Variants in FAM114A1 observed in about 807,000 individuals in gnomAD.
FAM114A1 encodes the protein family with sequence similarity 114 member A1.
FAM114A1 carries 62 observed loss-of-function variants against 64.3 expected under a neutral mutation model. The ratio of observed to expected loss-of-function variants is 0.96; its 90% CI spans 0.79 to 1.19. The LOEUF (loss-of-function observed/expected upper bound fraction) is 1.19. FAM114A1 is among the 50% of genes most tolerant of loss of function. FAM114A1 has a pLI of 0.00. For missense variants in FAM114A1, 645 were observed against 676.3 expected, an observed-to-expected ratio of 0.95 and a Z score of 0.51; for synonymous variants, 254 against 251.1, an observed-to-expected ratio of 1.01 and a Z score of -0.11.
chr4:38,936,373 C>T (rs1044956389), intron 13 of FAM114A1, among the ~76,000 whole-genome samples: 5 of 151,852 alleles, frequency 3.3e-5, no homozygotes, highest in Admixed American at 6.6e-5. Flanking sequence ...GGATTACAGG[C>T]GTGAGCCACC....
chr4:38,928,196 C>G (rs534051882), intron 9 of FAM114A1, among the ~76,000 whole-genome samples: 46 of 152,326 alleles, frequency 3.0e-4, no homozygotes, highest in Admixed American at 1.8e-3. Context: ...GGCTTAGTCC[C>G]CTCTTCAAGG....
chr4:38,897,877 T>C (rs1353552792), intron 4 of FAM114A1, among the ~76,000 whole-genome samples: 2 of 150,256 alleles, frequency 1.3e-5, no homozygotes, highest in African/African-American at 2.5e-5. Flanking sequence ...GCCTGGGAGA[T>C]GGAGGTTGCA....
chr4:38,934,749 G>A (rs1177357741), intron 12 of FAM114A1, among the ~76,000 whole-genome samples: 1 of 152,118 alleles, frequency 6.6e-6, no homozygotes, highest in Admixed American at 6.5e-5. Flanking sequence ...GAAGTGGAAT[G>A]CCAGCATAAA....
chr4:38,914,186 C>G (rs1718821165), intron 7 of FAM114A1, among the ~76,000 whole-genome samples: 1 of 152,092 alleles, frequency 6.6e-6, no homozygotes, highest in African/African-American at 2.4e-5. Context: ...AGGTGCAGGA[C>G]TTAAAGTTAA....
intron 7 of FAM114A1, among the ~76,000 whole-genome samples, chr4:38,911,234 G>A (rs1258937740): frequency 2.6e-5 from 4 of 152,206 alleles, no homozygotes; most frequent in Admixed American, 2.6e-4. Flanking sequence ...GAGAAAAATG[G>A]GTGAAAGTGT....
intron 2 of FAM114A1, among the ~76,000 whole-genome samples, chr4:38,873,259 A>C (rs531193477): frequency 6.6e-6 from 1 of 152,348 alleles, no homozygotes; most frequent in African/African-American, 2.4e-5. Context: ...AAGGTCTGGC[A>C]GATATTTTTG....
At chr4:38,906,872 G>A (rs1718059645) in intron 6 of FAM114A1, among the ~76,000 whole-genome samples, 1 of 152,096 alleles carries the variant, frequency 6.6e-6, no homozygotes, top group Non-Finnish European at 1.5e-5. Context: ...TATGGCTCGT[G>A]TCTCATTTAG....
At chr4:38,887,264 A>G (rs903767784) in intron 3 of FAM114A1, among the ~76,000 whole-genome samples, 19 of 152,230 alleles carry the variant, frequency 1.2e-4, no homozygotes, top group African/African-American at 3.6e-4. Context: ...CCCAATCCTT[A>G]GGCTTCACGT....
At chr4:38,877,734 G>A (rs1477254646) in intron 2 of FAM114A1, among the ~76,000 whole-genome samples, 2 of 152,236 alleles carry the variant, frequency 1.3e-5, no homozygotes, top group African/African-American at 2.4e-5. Flanking sequence ...GGAGGCCAAG[G>A]TGGGTGGATC....
Position 38,932,373 on chromosome 4 carries a change from A to G in FAM114A1, c.1462A>G (p.Lys488Glu). 1 of 1,587,518 alleles carries G rather than the reference A, an allele frequency of 6.3e-7. No homozygotes were observed. ...PAQDQAKVLI[K>E]LTTAMCNEVA... ...TCAGGACCAAGCAAAAGTTCTAATA[A>G]AGTAAGTAAATGTTACTTTAAATTC... is the stretch of plus-strand genomic sequence containing the variant. The change falls in exon 12 of 15, where the codon AAA becomes GAA. Residue 488 changes from lysine to glutamate, a missense_variant and splice_region_variant. Coordinates refer to ENST00000358869, the MANE Select transcript of FAM114A1 (RefSeq NM_138389.4).
chr4:38,944,533 G>A lies in FAM114A1; in HGVS notation c.*976G>A, dbSNP rs1139099. On this transcript the variant is annotated 3_prime_UTR_variant, in exon 15 of 15. Transcript: ENST00000358869. ...CCAGGCCACAGACCAGTACCAGTCC[G>A]TGGCACTGGTTAGGAACCAGGCCAC... 0.26 allele frequency: 40,245 copies of A among 151,924 alleles called. 8,162 individuals carry two copies. The highest frequency in any genetic ancestry group is 0.56 in the African/African-American group (23,301 of 41,380). 9.4% of individuals were successfully genotyped at this position (151,924 alleles called of 1,614,324 possible).
At chr4:38,939,037 T>A (rs904155490) in intron 13 of FAM114A1, among the ~76,000 whole-genome samples, 5 of 152,242 alleles carry the variant, frequency 3.3e-5, no homozygotes, top group African/African-American at 1.2e-4. Context: ...ATGAAGATTC[T>A]TATTCAGTAG....
At position 38,943,500 on chromosome 4, in the gene FAM114A1, G is replaced by A; in HGVS notation, c.1635G>A (p.Leu545=). ...ACATACAGGATGCCTTCCAGCTGCT[G>A]CTGCCTGTTCTGCAGGTCTCACATA... ...TTYIQDAFQL[L]LPVLQVSHIQ... Residue 545 remains leucine (L), a synonymous_variant, in exon 15 of 15, where the codon CTG becomes CTA. Coordinates refer to ENST00000358869, the MANE Select transcript of FAM114A1 (RefSeq NM_138389.4). 1 of 1,614,114 alleles carries A rather than the reference G, an allele frequency of 6.2e-7. No individual in the cohort carries two copies. The highest frequency in any genetic ancestry group is 8.5e-7 in the Non-Finnish European group (1 of 1,180,002).
chr4:38,925,822 G>A (rs1720045504), intron 9 of FAM114A1, among the ~76,000 whole-genome samples: 1 of 151,828 alleles, frequency 6.6e-6, no homozygotes, highest in Non-Finnish European at 1.5e-5. Flanking sequence ...ATTGTTTGTT[G>A]CAATATTTAT....
intron 7 of FAM114A1, among the ~76,000 whole-genome samples, chr4:38,912,357 G>A (rs959009006): frequency 6.6e-6 from 1 of 151,954 alleles, no homozygotes; most frequent in Non-Finnish European, 1.5e-5. Context: ...CCCTCAGGCA[G>A]CTTTAATTTC....
intron 4 of FAM114A1, among the ~76,000 whole-genome samples, chr4:38,895,298 G>A (rs528307680): frequency 1.3e-5 from 2 of 152,294 alleles, no homozygotes; most frequent in East Asian, 3.9e-4. Context: ...ATTGACCAGG[G>A]CTCACTTTCA....
chr4:38,887,942 A>G (rs1161309782), intron 3 of FAM114A1, among the ~76,000 whole-genome samples: 1 of 152,188 alleles, frequency 6.6e-6, no homozygotes, highest in African/African-American at 2.4e-5. Flanking sequence ...TACAAAACTC[A>G]CAGGTTTCAT....
chr4:38,904,858 T>C (rs1019120643), intron 4 of FAM114A1, among the ~76,000 whole-genome samples: 2 of 152,312 alleles, frequency 1.3e-5, no homozygotes, highest in African/African-American at 4.8e-5. Flanking sequence ...ACAAAGACTG[T>C]GTTGAGCTTA....
At chr4:38,940,608 C>T (rs150332642) in intron 13 of FAM114A1, among the ~76,000 whole-genome samples, 1 of 152,264 alleles carries the variant, frequency 6.6e-6, no homozygotes, top group African/African-American at 2.4e-5. Flanking sequence ...CACAACTCAA[C>T]CTGCCTCACT....
Sources: gnomAD v4.1 joint callset for allele counts (sites outside exome capture counted in the v4.1 genomes callset) on GRCh38, gnomAD v4.1.1 for gene constraint, MANE v1.5 for transcripts, NCBI Gene and HGNC (gene_info 2026-07-23, HGNC 2026-07-21) for gene names.